The following OVCH1 variants were observed in gnomAD, a reference collection of about 807,000 sequenced individuals.
OVCH1 encodes ovochymase-1.
Under a neutral mutation model 138.4 loss-of-function variants are expected in OVCH1, and 139 were observed. The observed-to-expected ratio is 1.00, with a 90% CI of 0.87 to 1.16. The LOEUF is 1.16. Among genes scored for constraint, OVCH1 ranks in the 50% most tolerant of loss-of-function variants. The pLI is 0.00. For missense variants in OVCH1, 1,367 were observed against 1,357.9 expected (o/e 1.01, Z -0.11); for synonymous variants, 453 against 467.8 (o/e 0.97, Z 0.41).
At chr12:29,494,556 C>A (rs1322335963) in intron 4 of OVCH1, among the ~76,000 whole-genome samples, 1 of 151,804 alleles carries the variant, frequency 6.6e-6, no homozygotes, top group Non-Finnish European at 1.5e-5. Flanking sequence ...TACCAGTTGG[C>A]CAAAATATGG....
Position 29,464,817 on chromosome 12 carries a change from G to A in OVCH1, c.1930-115C>T. The A allele has an allele frequency of 5.6e-6, 5 of 894,170 alleles. No individual in the cohort carries two copies. The South Asian group carries it at 6.9e-5, about 12-fold the overall frequency. 55.4% of individuals were successfully genotyped at this position (894,170 alleles called of 1,614,324 possible). On this transcript the variant is annotated intron_variant, in intron 17 of 27. Coordinates refer to ENST00000318184, the Ensembl canonical transcript of OVCH1. ...TTCTGCACTTACATACATAAACAAT[G>A]CAGAAGACTTTCTATTAAATTTAAA...
At chr12:29,439,417 G>T (rs767629911) in exon 26 of OVCH1, 54 of 1,528,178 alleles carry the variant, frequency 3.5e-5, no homozygotes, top group Non-Finnish European at 4.4e-5. Flanking sequence ...ATCATTGCCA[G>T]AGTTCCAGCG....
rs114677810 is a variant in OVCH1, at chr12:29,494,514, G to A, written c.454+771C>T. 2.5e-3 allele frequency among the ~76,000 whole-genome samples: 387 copies of A among 152,254 alleles called. 3 individuals carry two copies. The highest frequency in any genetic ancestry group is 8.8e-3 in the African/African-American group (365 of 41,552). On this transcript the variant is annotated intron_variant, in intron 4 of 27. Coordinates refer to ENST00000318184, the Ensembl canonical transcript of OVCH1. ...ATGAATATAGGTAGGTAGTTAGAAT[G>A]TAGCCCAGCCAAGACACAGGAGTCC...
At chr12:29,452,220 T>C (rs1941816046) in intron 21 of OVCH1, among the ~76,000 whole-genome samples, 1 of 152,204 alleles carries the variant, frequency 6.6e-6, no homozygotes, top group South Asian at 2.1e-4. Flanking sequence ...TGAAATATTC[T>C]ATATTCATAT....
At chr12:29,471,241 G>A (rs543680961) in intron 16 of OVCH1, among the ~76,000 whole-genome samples, 1 of 152,148 alleles carries the variant, frequency 6.6e-6, no homozygotes, top group South Asian at 2.1e-4. Context: ...TTCATATAAT[G>A]GAAGACTTCA....
the OVCH1 span, among the ~76,000 whole-genome samples, chr12:29,405,045 A>AAAC: frequency 2.0e-5 from 3 of 150,138 alleles, no homozygotes; most frequent in African/African-American, 4.9e-5. Flanking sequence ...AAAAAAAAAA[A>AAAC]AAAAAAAAAA....
At chr12:29,474,156 T>C (rs962915778) in intron 14 of OVCH1, among the ~76,000 whole-genome samples, 7 of 151,966 alleles carry the variant, frequency 4.6e-5, no homozygotes, top group Admixed American at 4.6e-4. Context: ...ACACTGGACT[T>C]GTCTTCCTTC....
exon 25 of OVCH1, chr12:29,443,470 A>G (rs1271821491): frequency 1.2e-5 from 19 of 1,607,932 alleles, no homozygotes; most frequent in Non-Finnish European, 1.5e-5. Context: ...GAATGATGTG[A>G]TTTAAAGGGG....
intron 22 of OVCH1, among the ~76,000 whole-genome samples, chr12:29,448,197 G>A (rs998539017): frequency 1.3e-5 from 2 of 148,316 alleles, no homozygotes; most frequent in Non-Finnish European, 3.0e-5. Context: ...ACATTCCTAT[G>A]AGAATCTAAT....
chr12:29,419,859 C>T (rs1041817507), intron 3 of OVCH1, among the ~76,000 whole-genome samples: 5 of 152,072 alleles, frequency 3.3e-5, no homozygotes, highest in Non-Finnish European at 7.4e-5. Context: ...GCAAACTCCC[C>T]AAACAGTTTT....
chr12:29,496,450 G>A (rs1412710326), intron 2 of OVCH1, 106 bp downstream of exon 2: 2 of 1,163,442 alleles, frequency 1.7e-6, no homozygotes, highest in African/African-American at 3.1e-5. Flanking sequence ...GAGAGCTAGA[G>A]GGGTTCAGGA....
At chr12:29,443,429 G>C in exon 25 of OVCH1, 1 of 1,611,380 alleles carries the variant, frequency 6.2e-7, no homozygotes, top group Non-Finnish European at 8.5e-7. Flanking sequence ...AAAAGTTGTT[G>C]GCTTCATCGG....
chr12:29,411,418 C>T (rs2135867950), downstream of OVCH1, among the ~76,000 whole-genome samples: 1 of 151,592 alleles, frequency 6.6e-6, no homozygotes, highest in Non-Finnish European at 1.5e-5. Context: ...TCTGTTTTTT[C>T]CCCATCTTTG....
chr12:29,436,963 C>T (rs1280503937), intron 26 of OVCH1, among the ~76,000 whole-genome samples: 1 of 152,182 alleles, frequency 6.6e-6, no homozygotes, highest in Non-Finnish European at 1.5e-5. Context: ...CTTTTATTCC[C>T]TTATCTGGCC....
At chr12:29,428,192 A>AT (rs1941210654) in intron 27 of OVCH1, among the ~76,000 whole-genome samples, 1 of 152,176 alleles carries the variant, frequency 6.6e-6, no homozygotes, top group South Asian at 2.1e-4. Flanking sequence ...CTTGGCTAAA[A>AT]TGAGGAACTG....
chr12:29,477,636 G>A (rs1486720545), intron 9 of OVCH1, 158 bp from the exon 11 acceptor site: 5 of 1,588,350 alleles, frequency 3.1e-6, no homozygotes, highest in Non-Finnish European at 4.3e-6. Flanking sequence ...CTGCTTCAGT[G>A]ACTTTGCTAT....
intron 8 of OVCH1, among the ~76,000 whole-genome samples, chr12:29,485,963 TA>T (rs1565609505): frequency 2.8e-4 from 27 of 94,850 alleles, no homozygotes; most frequent in African/African-American, 1.0e-3. Flanking sequence ...TAAAATAAAA[TA>T]AAATAAAATA....
exon 26 of OVCH1, chr12:29,439,410 A>G: frequency 6.5e-7 from 1 of 1,539,124 alleles, no homozygotes; most frequent in Non-Finnish European, 8.8e-7. Flanking sequence ...TGTCAGTATC[A>G]TTGCCAGAGT....
At chr12:29,452,450 A>G (rs1941822924) in intron 21 of OVCH1, among the ~76,000 whole-genome samples, 1 of 99,334 alleles carries the variant, frequency 1.0e-5, no homozygotes, top group Non-Finnish European at 2.1e-5. Context: ...TACAGCTACA[A>G]GAACCAATCA....
Sources: gnomAD v4.1 joint callset for allele counts (sites outside exome capture counted in the v4.1 genomes callset) on GRCh38, gnomAD v4.1.1 for gene constraint, MANE v1.5 for transcripts, NCBI Gene and HGNC (gene_info 2026-07-23, HGNC 2026-07-21) for gene names.